Variants in TEX11 observed in about 807,000 individuals in gnomAD.
TEX11 encodes the protein testis expressed 11, also known as testis-expressed protein 11.
Under a neutral mutation model 84.4 loss-of-function variants are expected in TEX11, and 7 were observed. That is an observed-to-expected ratio of 0.08 (90% confidence interval 0.05 to 0.16). The LOEUF (loss-of-function observed/expected upper bound fraction) is 0.16. Ranked by LOEUF, TEX11 falls within the 10% of genes least tolerant of loss-of-function variation. The pLI, the probability that TEX11 is intolerant of heterozygous loss-of-function variation, is 1.00. For missense variants in TEX11, 551 were observed against 660.5 expected, an observed-to-expected ratio of 0.83 and a Z score of 1.82; for synonymous variants, 264 against 222.8, an observed-to-expected ratio of 1.18 and a Z score of -1.64.
chrX:70,656,673 G>GA (rs1236654998), intron 16 of TEX11, among the ~76,000 whole-genome samples: 5 of 110,656 alleles, frequency 4.5e-5, no homozygotes, highest in Non-Finnish European at 7.6e-5. Flanking sequence ...ACAGGATGAA[G>GA]AAAAAAAAGG....
At chrX:70,868,974 A>C (rs1046945668) in intron 4 of TEX11, among the ~76,000 whole-genome samples, 4 of 107,712 alleles carry the variant, frequency 3.7e-5, no homozygotes, top group Non-Finnish European at 5.7e-5. Context: ...GCAAATCACC[A>C]TGGCACATGT....
chrX:70,582,935 G>A (rs2088799094), intron 25 of TEX11, among the ~76,000 whole-genome samples: 1 of 108,148 alleles, frequency 9.2e-6, no homozygotes, highest in Non-Finnish European at 1.9e-5. Flanking sequence ...TAGTAGATAC[G>A]GGGTTTCACC....
At chrX:70,579,510 CA>C (rs752604228) in intron 25 of TEX11, among the ~76,000 whole-genome samples, 3 of 9,605 alleles carry the variant, frequency 3.1e-4, no homozygotes, top group African/African-American at 6.3e-4. Flanking sequence ...AACAAAAAAA[CA>C]AAAAAAACAA....
chrX:70,689,748 A>T lies in TEX11; in HGVS notation c.1005-6923T>A, dbSNP rs766136555. Among the ~76,000 whole-genome samples, 8 of 112,265 alleles carry T rather than the reference A, an allele frequency of 7.1e-5. No individual in the cohort carries two copies. The East Asian group carries it at 2.2e-3, about 31-fold the overall frequency. On this transcript the variant is annotated intron_variant, in intron 13 of 29. Coordinates refer to ENST00000374333, the MANE Select transcript of TEX11 (RefSeq NM_031276.3). ...GGGAGAAGAGACAAATTTCCCATGT[A>T]GAAGAATTCAAAATAATTTATCTAG...
Position 70,861,448 on chromosome X carries a change from G to GATTTATTT in TEX11, c.245-520_245-513dup, listed in dbSNP as rs67849004. ...TCATTTACTGAATGTTTCAGTAAGAGATTTATTTATTTATTTATTTATTTA... is the reference window on the plus strand; with the variant it reads ...TCATTTACTGAATGTTTCAGTAAGAGATTTATTTATTTATTTATTTATTTATTTATTTA... On this transcript the variant is annotated intron_variant, in intron 4 of 29. Coordinates refer to ENST00000374333, the MANE Select transcript of TEX11 (RefSeq NM_031276.3). 1.4e-3 allele frequency among the ~76,000 whole-genome samples: 146 copies of GATTTATTT among 105,301 alleles called. No homozygotes were observed. The East Asian group carries it at 0.015, about 10-fold the overall frequency. The allele number at this position is 105,301 out of a possible 115,157, so 91.4% of individuals were successfully genotyped here.
At chrX:70,644,061 A>C (rs1010413293) in intron 17 of TEX11, among the ~76,000 whole-genome samples, 27 of 103,549 alleles carry the variant, frequency 2.6e-4, no homozygotes, top group Non-Finnish European at 4.7e-4. Context: ...CAATGAACTC[A>C]AACAAATTTA....
At chrX:70,849,622 C>T (rs2091496713) in intron 7 of TEX11, among the ~76,000 whole-genome samples, 1 of 111,764 alleles carries the variant, frequency 8.9e-6, no homozygotes, top group Non-Finnish European at 1.9e-5. Flanking sequence ...TATTAACCGC[C>T]ATTTTAAAGA....
intron 9 of TEX11, among the ~76,000 whole-genome samples, chrX:70,788,965 TATATATATAGAGAGAGAGAG>T (rs1420086551): frequency 5.7e-3 from 229 of 39,932 alleles, no homozygotes; most frequent in Non-Finnish European, 6.9e-3. Context: ...TATATATATA[TATATATATAGAGAGAGAGAG>T]AGAGAGAGAG....
In TEX11 at chrX:70,900,630, C is replaced by T. The variant is rs913515046; in HGVS notation, c.37+7123G>A. ...TAATAAAGACCAGAATAGAAATAAA[C>T]GAAATTAAAATGAAAATATATATAT... is the stretch of plus-strand genomic sequence containing the variant. On this transcript the variant is annotated intron_variant, in intron 2 of 29. Transcript: ENST00000374333. Among the ~76,000 whole-genome samples the T allele has an allele frequency of 7.3e-5, 8 of 109,565 alleles. No homozygotes were observed. In the South Asian group the frequency reaches 2.7e-3, roughly 37 times the overall value.
intron 17 of TEX11, among the ~76,000 whole-genome samples, chrX:70,633,778 C>T (rs928949267): frequency 1.8e-5 from 2 of 110,536 alleles, no homozygotes; most frequent in Non-Finnish European, 3.8e-5. Context: ...ATTAGCCAGG[C>T]GTGGTGGTGC....
chrX:70,649,001 G>A (rs2089780670), intron 17 of TEX11, among the ~76,000 whole-genome samples: 2 of 111,119 alleles, frequency 1.8e-5, no homozygotes, highest in Non-Finnish European at 3.8e-5. Context: ...GTTTGCTGAG[G>A]TTGATGGCTT....
chrX:70,580,519 C>T (rs982930534), intron 25 of TEX11, among the ~76,000 whole-genome samples: 2 of 111,993 alleles, frequency 1.8e-5, no homozygotes, highest in Non-Finnish European at 3.8e-5. Context: ...GTGATTATCA[C>T]GCATGGCATG....
chrX:70,559,724 A>G (rs191768747), intron 25 of TEX11, among the ~76,000 whole-genome samples: 1 of 112,349 alleles, frequency 8.9e-6, no homozygotes, highest in Non-Finnish European at 1.9e-5. Flanking sequence ...TTGTATGAAC[A>G]TACCACAATT....
At chrX:70,596,921 G>A (rs1163328012) in intron 24 of TEX11, among the ~76,000 whole-genome samples, 2 of 111,324 alleles carry the variant, frequency 1.8e-5, no homozygotes, top group Admixed American at 9.6e-5. Context: ...AAAATTAGGA[G>A]TAAAAGAGGA....
At chrX:70,687,042 A>G (rs1329804088) in intron 13 of TEX11, among the ~76,000 whole-genome samples, 1 of 111,834 alleles carries the variant, frequency 8.9e-6, no homozygotes, top group African/African-American at 3.2e-5. Context: ...TCTGCTACAC[A>G]AATTTCAAAT....
At chrX:70,767,101 A>G (rs2090945317) in intron 9 of TEX11, among the ~76,000 whole-genome samples, 1 of 111,975 alleles carries the variant, frequency 8.9e-6, no homozygotes, top group African/African-American at 3.2e-5. Flanking sequence ...ACACAAAAGC[A>G]AAAATGGACA....
chrX:70,898,691 C>T (rs1324587379), intron 2 of TEX11, among the ~76,000 whole-genome samples: 1 of 108,980 alleles, frequency 9.2e-6, no homozygotes, highest in Non-Finnish European at 1.9e-5. Flanking sequence ...CTGCAAGCTC[C>T]GCCTCCCGGG....
intron 17 of TEX11, among the ~76,000 whole-genome samples, chrX:70,644,820 C>T (rs1293464386): frequency 2.1e-5 from 2 of 96,800 alleles, no homozygotes; most frequent in Non-Finnish European, 4.1e-5. Context: ...ATACCTAATG[C>T]TAGATGAGGA....
At chrX:70,681,921 G>A (rs959683551) in intron 14 of TEX11, among the ~76,000 whole-genome samples, 5 of 111,635 alleles carry the variant, frequency 4.5e-5, no homozygotes, top group African/African-American at 1.6e-4. Flanking sequence ...CATGAATTGT[G>A]CTTATAAAAA....
Sources: allele counts gnomAD v4.1 joint callset (sites outside exome capture counted in the v4.1 genomes callset), GRCh38; gene constraint gnomAD v4.1.1; transcripts MANE v1.5; gene names NCBI Gene and HGNC (gene_info 2026-07-23, HGNC 2026-07-21).